ACE: variants seen among roughly 807,000 people sequenced by gnomAD.
The protein encoded by ACE is angiotensin I converting enzyme, also known as angiotensin-converting enzyme.
In ACE, 122 loss-of-function variants were observed where a neutral mutation model predicts 162.3. The ratio of observed to expected loss-of-function variants is 0.75; its 90% CI spans 0.65 to 0.87. The LOEUF (loss-of-function observed/expected upper bound fraction) is 0.87. ACE is among the 40% of genes least tolerant of loss of function. ACE has a pLI of 0.00. For synonymous variants in ACE, 796 were observed against 720.6 expected (o/e 1.10, Z -1.68); for missense variants, 1,799 against 1,735.1 (o/e 1.04, Z -0.65).
chr17:63,483,397 A>G (rs2049746268), intron 9 of ACE, 63 bp from the exon 10 acceptor site: 2 of 1,533,282 alleles, frequency 1.3e-6, no homozygotes, highest in South Asian at 2.2e-5. Context: ...CCTTTTCTAC[A>G]AAAGTTAAAT....
intron 13 of ACE, chr17:63,485,643 GCGA>G (rs1423229128): frequency 9.4e-6 from 4 of 425,002 alleles, no homozygotes; most frequent in Non-Finnish European, 1.4e-5. Flanking sequence ...GGGTGTGGTG[GCGA>G]GCACCTGTAG....
intron 2 of ACE, 49 bp downstream of exon 2, chr17:63,478,147 A>G (rs2049650500): frequency 1.9e-6 from 3 of 1,548,732 alleles, no homozygotes. Flanking sequence ...CTAGTGCCCC[A>G]TCGTGGGGGT....
intron 15 of ACE, 132 bp downstream of exon 15, chr17:63,487,205 T>G: frequency 1.3e-6 from 1 of 773,064 alleles, no homozygotes; most frequent in South Asian, 1.5e-5. Context: ...ATGCCCTTTC[T>G]TGTTTTCCAC....
chr17:63,488,596 C>A, intron 15 of ACE, 52 bp from the exon 16 acceptor site: 1 of 1,583,324 alleles, frequency 6.3e-7, no homozygotes, highest in South Asian at 1.1e-5. Context: ...GCTCCCCTTA[C>A]AAGCAGAGGT....
intron 15 of ACE, among the ~76,000 whole-genome samples, chr17:63,488,350 C>A (rs1218901287): frequency 1.6e-5 from 2 of 128,680 alleles, no homozygotes; most frequent in Admixed American, 1.7e-4. Flanking sequence ...CAGAGTGAGA[C>A]CCTGTCTCAG....
intron 20 of ACE, 21 bp from the exon 21 acceptor site, chr17:63,493,901 C>T: frequency 6.2e-7 from 1 of 1,614,192 alleles, no homozygotes; most frequent in Non-Finnish European, 8.5e-7. Flanking sequence ...GGTCTGACAG[C>T]TGGGCTCCCT....
At chr17:63,478,667 A>G (rs776993748) in intron 2 of ACE, 1 of 395,440 alleles carries the variant, frequency 2.5e-6, no homozygotes, top group Admixed American at 3.6e-5. Context: ...CCCCCCAAAA[A>G]AAAGAGAGAG....
At chr17:63,480,024 G>C in intron 4 of ACE, 112 bp downstream of exon 4, 2 of 1,478,286 alleles carry the variant, frequency 1.4e-6, no homozygotes, top group Non-Finnish European at 1.8e-6. Context: ...ATTCCAGCAG[G>C]CCCTGAGTTT....
Position 63,483,975 on chromosome 17 carries a change from T to C in ACE, c.1709+4T>C, listed in dbSNP as rs1427408643. 1 of 1,612,890 alleles carries C rather than the reference T, an allele frequency of 6.2e-7. No homozygotes were observed. The highest frequency in any genetic ancestry group is 8.5e-7 in the Non-Finnish European group (1 of 1,179,572). ...CCAAGGCAGGGGCCAAGCTCCGGTG[T>C]GTGGTGGGAAGCCGGGGGAAGTGGG... On this transcript the variant is annotated splice_donor_region_variant and intron_variant, in intron 11 of 24. Coordinates refer to ENST00000290866, the MANE Select transcript of ACE (RefSeq NM_000789.4).
chr17:63,496,787 T>C lies in ACE; in HGVS notation c.3504-11T>C, dbSNP rs746283846. On this transcript the variant is annotated splice_polypyrimidine_tract_variant and intron_variant, in intron 23 of 24. Transcript: ENST00000290866. The stretch of plus-strand genomic sequence containing the variant: ...CTTCTGACTCTGCCTCCCTGTCTCA[T>C]GCCTCCCCAGGACCGCCATGAAGCT... The C allele has an allele frequency of 1.2e-6, 2 of 1,611,142 alleles. No homozygotes were observed. Among genetic ancestry groups the C allele is most frequent in the Non-Finnish European group, 8.5e-7 (1 of 1,179,944 alleles).
In ACE at chr17:63,479,857, GA is replaced by G. The variant is rs2049677905; in HGVS notation, c.603del (p.Lys201AsnfsTer47). ...GGCACAACGCTGCGGGCATCCCGCT[GA>G]AACCGCTGTACGAGGATTTCACTGC... The part of the protein sequence containing the change: ...GWHNAAGIPL[K>X]PLYEDFTALS... On this transcript the variant is annotated frameshift_variant, in exon 4 of 25. Transcript: ENST00000290866. LOFTEE classifies it high-confidence loss of function. 1 of 1,612,992 alleles carries G rather than the reference GA, an allele frequency of 6.2e-7. No individual in the cohort carries two copies. The highest frequency in any genetic ancestry group is 8.5e-7 in the Non-Finnish European group (1 of 1,180,032).
In ACE at chr17:63,491,141, G is replaced by T; in HGVS notation, c.2740-68G>T. 6.2e-7 allele frequency: 1 copy of T among 1,611,402 alleles called. No homozygotes were observed. Among genetic ancestry groups the T allele is most frequent in the African/African-American group, 1.3e-5 (1 of 74,988 alleles). On this transcript the variant is annotated intron_variant, in intron 18 of 24. Transcript: ENST00000290866. The surrounding 1 kb of genome is among the most constrained non-coding windows in gnomAD (Gnocchi z 4.4). ...TCCCTCCAGTTTAGCCCTCCCCCGG[G>T]ATCCCCACGGCAGCACGCAGTCTGT...
Position 63,488,793 on chromosome 17 carries a change from T to C in ACE, c.2449+2T>C. ...TCAACCAGGCTGCCCGGCTCAATGG[T>C]GAGTCCCTGCTGCCAACATCACTGG... is the stretch of plus-strand genomic sequence containing the variant. On this transcript the variant is annotated splice_donor_variant, in intron 16 of 24. Transcript: ENST00000290866. LOFTEE classifies it high-confidence loss of function. 1 of 1,613,990 alleles carries C rather than the reference T, an allele frequency of 6.2e-7. No homozygotes were observed. The highest frequency in any genetic ancestry group is 8.5e-7 in the Non-Finnish European group (1 of 1,180,012).
rs1358778337 is a variant in ACE, at chr17:63,485,221, C to T, written c.1922-15C>T. The T allele has an allele frequency of 1.2e-6, 2 of 1,614,016 alleles. No individual in the cohort carries two copies. The highest frequency in any genetic ancestry group is 2.2e-5 in the East Asian group (1 of 44,866). On this transcript the variant is annotated splice_polypyrimidine_tract_variant and intron_variant, in intron 12 of 24. Coordinates refer to ENST00000290866, the MANE Select transcript of ACE (RefSeq NM_000789.4). Reference sequence around the variant, plus strand: ...AGGCAGAGGTTTGTCTGTTTCCCTGCACTCTGTCCCACAGACCTGGTGACT... The same window carrying T: ...AGGCAGAGGTTTGTCTGTTTCCCTGTACTCTGTCCCACAGACCTGGTGACT...
rs750092571 is a variant in ACE at position 63,493,607 on chromosome 17, G to A, written c.3084G>A (p.Thr1028=). ...IGDVLALSVS[T]PKHLHSLNLL... The stretch of plus-strand genomic sequence containing the variant: ...ACGTGCTAGCCCTCTCAGTGTCTAC[G>A]CCCAAGCACCTGCACAGTCTCAACC... Residue 1028 remains threonine (T), a synonymous_variant, in exon 20 of 25, where the codon ACG becomes ACA. Coordinates refer to ENST00000290866, the MANE Select transcript of ACE (RefSeq NM_000789.4). The A allele has an allele frequency of 5.0e-6, 8 of 1,613,994 alleles. No individual in the cohort carries two copies. Among genetic ancestry groups the A allele is most frequent in the African/African-American group, 2.7e-5 (2 of 74,928 alleles).
At chr17:63,487,172 C>T (rs55907121) in intron 15 of ACE, 99 bp downstream of exon 15, 2 of 1,028,434 alleles carry the variant, frequency 1.9e-6, no homozygotes, top group East Asian at 2.4e-5. Context: ...TCCCCTCGCT[C>T]TTGGGGTCAG....
chr17:63,486,355 G>A (rs1261342168), intron 13 of ACE: 6 of 630,728 alleles, frequency 9.5e-6, no homozygotes, highest in South Asian at 5.5e-5. Context: ...TTGCTTGACC[G>A]CAGGCATCCA....
intron 7 of ACE, 27 bp from the exon 8 acceptor site, chr17:63,482,439 C>G (rs373440663): frequency 1.9e-6 from 3 of 1,607,668 alleles, no homozygotes; most frequent in Non-Finnish European, 1.7e-6. Flanking sequence ...ATCCGTCACT[C>G]TCACCCTCGC....
chr17:63,490,663 T>C (rs1350106135), intron 17 of ACE: 5 of 459,796 alleles, frequency 1.1e-5, no homozygotes, highest in Non-Finnish European at 2.0e-5. Flanking sequence ...TGTCCTCACA[T>C]GTCAGCAGTT....
Sources: gnomAD v4.1 joint callset for allele counts (sites outside exome capture counted in the v4.1 genomes callset) on GRCh38, gnomAD v4.1.1 for gene constraint, Gnocchi (gnomAD v3.1) non-coding constraint, MANE v1.5 for transcripts, NCBI Gene and HGNC (gene_info 2026-07-23, HGNC 2026-07-21) for gene names.